Variants in PCLO observed in about 807,000 individuals in gnomAD.
PCLO encodes the protein protein piccolo.
Under a neutral mutation model 427.5 loss-of-function variants are expected in PCLO, and 82 were observed. The observed-to-expected ratio is 0.19, with a 90% CI of 0.16 to 0.23. PCLO has a LOEUF of 0.23. PCLO is among the 10% of genes least tolerant of loss of function. PCLO has a pLI of 1.00. For missense variants in PCLO, 6,239 were observed against 6,115.9 expected (o/e 1.02, Z -0.67); for synonymous variants, 2,357 against 2,155.4 (o/e 1.09, Z -2.59).
At chr7:82,773,501 T>G (rs770384270) in intron 22 of PCLO, among the ~76,000 whole-genome samples, 5 of 152,222 alleles carry the variant, frequency 3.3e-5, no homozygotes, top group Admixed American at 6.5e-5. Flanking sequence ...ACTCTTAAAA[T>G]GCAATAAATG....
chr7:82,851,561 G>C (rs918344383), intron 10 of PCLO, among the ~76,000 whole-genome samples: 2 of 151,452 alleles, frequency 1.3e-5, no homozygotes, highest in Admixed American at 6.6e-5. Context: ...AAATGAATGT[G>C]TTAATAAATG....
At chr7:83,147,757 T>C (rs1792031558) in intron 2 of PCLO, among the ~76,000 whole-genome samples, 1 of 152,120 alleles carries the variant, frequency 6.6e-6, no homozygotes, top group Non-Finnish European at 1.5e-5. Flanking sequence ...AGTTATAACA[T>C]GAATTTAAAA....
At chr7:82,791,176 A>T (rs190662122) in intron 22 of PCLO, among the ~76,000 whole-genome samples, 27 of 152,166 alleles carry the variant, frequency 1.8e-4, no homozygotes, top group Non-Finnish European at 1.2e-4. Context: ...TGGCAAATAA[A>T]TGAAAGTTGT....
At chr7:82,850,410 TA>T (rs1238744633) in intron 10 of PCLO, among the ~76,000 whole-genome samples, 2 of 152,080 alleles carry the variant, frequency 1.3e-5, no homozygotes, top group South Asian at 2.1e-4. Context: ...AATAGGCTAC[TA>T]AACACTGAAA....
chr7:82,838,648 C>T (rs1045743334), intron 14 of PCLO, among the ~76,000 whole-genome samples: 2 of 151,692 alleles, frequency 1.3e-5, no homozygotes, highest in Admixed American at 6.6e-5. Flanking sequence ...AATTGCTACT[C>T]TTAGGAAAAT....
chr7:82,895,468 T>C (rs1232308400), intron 9 of PCLO, among the ~76,000 whole-genome samples: 1 of 151,734 alleles, frequency 6.6e-6, no homozygotes, highest in East Asian at 1.9e-4. Flanking sequence ...ATATAGATGA[T>C]ATTTAGACCA....
At chr7:82,813,223 G>A (rs143760723) in intron 20 of PCLO, among the ~76,000 whole-genome samples, 1 of 151,784 alleles carries the variant, frequency 6.6e-6, no homozygotes, top group South Asian at 2.1e-4. Flanking sequence ...ATAAATGCAC[G>A]TCTGGTCTCA....
chr7:83,154,809 G>A lies in PCLO; in HGVS notation c.1832C>T (p.Thr611Ile). The A allele has an allele frequency of 1.2e-6, 2 of 1,613,972 alleles. No individual in the cohort carries two copies. Among genetic ancestry groups the A allele is most frequent in the Non-Finnish European group, 1.7e-6 (2 of 1,179,840 alleles). ...VPEKANFNTCTECQTTVCSLC... is the reference protein window; with the variant it reads ...VPEKANFNTCIECQTTVCSLC... ...ACTACAGACAGTGGTTTGACACTCA[G>A]TGCATGTGTTAAAATTGGCCTTTTC... is the stretch of plus-strand genomic sequence containing the variant. Residue 611 changes from threonine to isoleucine, a missense_variant, in exon 2 of 25, where the codon ACT becomes ATT. Transcript: ENST00000333891.
chr7:83,094,956 A>G (rs982285272), intron 3 of PCLO, among the ~76,000 whole-genome samples: 2 of 152,062 alleles, frequency 1.3e-5, no homozygotes, highest in Non-Finnish European at 2.9e-5. Flanking sequence ...TTTTGTTTTG[A>G]TATCAGGGTA....
intron 3 of PCLO, among the ~76,000 whole-genome samples, chr7:83,038,448 G>C (rs919442102): frequency 4.0e-4 from 61 of 151,782 alleles, no homozygotes; most frequent in African/African-American, 1.4e-3. Context: ...ATTTGATAAT[G>C]CTGGACATTT....
At chr7:82,972,209 C>T (rs1562892375) in intron 3 of PCLO, among the ~76,000 whole-genome samples, 1 of 151,982 alleles carries the variant, frequency 6.6e-6, no homozygotes, top group Non-Finnish European at 1.5e-5. Context: ...CATCAATTCA[C>T]GAGAGCTTGT....
At chr7:82,887,061 C>T (rs1793643839) in intron 9 of PCLO, among the ~76,000 whole-genome samples, 1 of 152,156 alleles carries the variant, frequency 6.6e-6, no homozygotes, top group African/African-American at 2.4e-5. Context: ...GAAAGTAACA[C>T]TTGCAAAGTT....
chr7:82,863,954 A>G (rs937573286), intron 10 of PCLO, among the ~76,000 whole-genome samples: 1 of 152,000 alleles, frequency 6.6e-6, no homozygotes, highest in African/African-American at 2.4e-5. Flanking sequence ...TTCTCATTTT[A>G]TCTTCACAGC....
intron 3 of PCLO, among the ~76,000 whole-genome samples, chr7:82,991,306 T>C (rs140149841): frequency 7.2e-5 from 11 of 152,166 alleles, no homozygotes; most frequent in African/African-American, 2.6e-4. Context: ...ACAACATTAG[T>C]ATCTTGTTGC....
intron 9 of PCLO, among the ~76,000 whole-genome samples, chr7:82,895,971 T>C: frequency 6.6e-6 from 1 of 151,886 alleles, no homozygotes; most frequent in East Asian, 1.9e-4. Flanking sequence ...GTCAGTATTA[T>C]GAGATTACTC....
chr7:82,874,049 A>G (rs1793306410), intron 10 of PCLO, among the ~76,000 whole-genome samples: 1 of 152,214 alleles, frequency 6.6e-6, no homozygotes, highest in African/African-American at 2.4e-5. Context: ...GCTGTCTTAA[A>G]TGCTTAAATT....
intron 3 of PCLO, among the ~76,000 whole-genome samples, chr7:83,114,938 T>C (rs149830535): frequency 2.0e-5 from 3 of 152,228 alleles, no homozygotes; most frequent in Non-Finnish European, 4.4e-5. Context: ...GGGTTTTGTA[T>C]AGTACTTAGA....
intron 20 of PCLO, among the ~76,000 whole-genome samples, chr7:82,812,852 G>T (rs1584001144): frequency 6.6e-6 from 1 of 151,090 alleles, no homozygotes; most frequent in Admixed American, 6.6e-5. Context: ...CTTTCTTGCT[G>T]TTTGCTTGCA....
At chr7:83,093,492 A>ATATATTTTTT in intron 3 of PCLO, among the ~76,000 whole-genome samples, 1 of 59,322 alleles carries the variant, frequency 1.7e-5, no homozygotes, top group Non-Finnish European at 3.3e-5. Context: ...ATATATATAT[A>ATATATTTTTT]TTTTTTTTTT....
Sources: gnomAD v4.1 joint callset for allele counts (sites outside exome capture counted in the v4.1 genomes callset) on GRCh38, gnomAD v4.1.1 for gene constraint, MANE v1.5 for transcripts, NCBI Gene and HGNC (gene_info 2026-07-23, HGNC 2026-07-21) for gene names.